The following OSGIN2 variants were observed in gnomAD, a reference collection of about 807,000 sequenced individuals.
OSGIN2 encodes the protein oxidative stress-induced growth inhibitor 2.
In OSGIN2, 19 loss-of-function variants were observed where a neutral mutation model predicts 53.8. That is an observed-to-expected ratio of 0.35 (90% CI 0.25 to 0.52). The LOEUF (loss-of-function observed/expected upper bound fraction) is 0.52. Ranked by LOEUF, OSGIN2 falls within the 20% of genes least tolerant of loss-of-function variation. The probability of loss-of-function intolerance (pLI) is 0.95; values close to 1 mark genes in which losing one functional copy is unlikely to be tolerated. For synonymous variants in OSGIN2, 236 were observed against 236.0 expected (o/e 1.00, Z 0.00); for missense variants, 520 against 662.7 (o/e 0.78, Z 2.36).
intron 1 of OSGIN2, among the ~76,000 whole-genome samples, chr8:89,909,011 CAAAAAAAA>C (rs35635974): frequency 1.8e-4 from 7 of 38,394 alleles, no homozygotes; most frequent in East Asian, 1.5e-3. Flanking sequence ...ACCTTGTTTC[CAAAAAAAA>C]AAAAAAAAAA....
At chr8:89,920,732 C>T (rs554770759) in intron 4 of OSGIN2, among the ~76,000 whole-genome samples, 1 of 152,102 alleles carries the variant, frequency 6.6e-6, no homozygotes, top group Non-Finnish European at 1.5e-5. Flanking sequence ...AATGAATATA[C>T]TGAATTTTTG....
chr8:89,904,722 A>G (rs569863410), intron 1 of OSGIN2, among the ~76,000 whole-genome samples: 2 of 152,304 alleles, frequency 1.3e-5, no homozygotes, highest in Non-Finnish European at 2.9e-5. Context: ...AGGTTGAGGC[A>G]GGAGAATAGC....
Position 89,902,725 on chromosome 8 carries a change from G to A in OSGIN2, c.-69G>A. On this transcript the variant is annotated 5_prime_UTR_variant, in exon 1 of 6. Coordinates refer to ENST00000451899, the MANE Select transcript of OSGIN2 (RefSeq NM_001126111.3). ...CCCGAGCCAGCGGGCGCCCCGAGCGGGCAGCCTCGCCGGGGGAGGCGGAGG... is the reference window on the plus strand; with the variant it reads ...CCCGAGCCAGCGGGCGCCCCGAGCGAGCAGCCTCGCCGGGGGAGGCGGAGG... 3 of 917,366 alleles carry A rather than the reference G, an allele frequency of 3.3e-6. No individual in the cohort carries two copies. The highest frequency in any genetic ancestry group is 4.1e-6 in the Non-Finnish European group (3 of 736,082). 56.8% of individuals were successfully genotyped at this position (917,366 alleles called of 1,614,324 possible). A position where few individuals can be genotyped will look rare whatever the true frequency, so the allele number is the denominator to read the frequency against.
At chr8:89,909,210 A>G (rs1278470191) in intron 1 of OSGIN2, among the ~76,000 whole-genome samples, 2 of 151,692 alleles carry the variant, frequency 1.3e-5, no homozygotes, top group Admixed American at 6.6e-5. Context: ...CTCACCTTTT[A>G]AAAAGAAAGG....
In OSGIN2 at chr8:89,914,386, T is replaced by C. The variant is rs146587397; in HGVS notation, c.337-169T>C. 2.6e-3 allele frequency among the ~76,000 whole-genome samples: 392 copies of C among 152,362 alleles called. 1 individual carries two copies. The highest frequency in any genetic ancestry group is 9.0e-3 in the African/African-American group (374 of 41,586). On this transcript the variant is annotated intron_variant, in intron 3 of 5. Transcript: ENST00000451899. ...TTACTTCTGTTTATTTTCTTGAATTTATTAGAGCAGAGTTTTCTGAATTAT... is the reference window on the plus strand; with the variant it reads ...TTACTTCTGTTTATTTTCTTGAATTCATTAGAGCAGAGTTTTCTGAATTAT...
intron 1 of OSGIN2, among the ~76,000 whole-genome samples, chr8:89,903,728 A>G (rs1332672580): frequency 6.6e-6 from 1 of 152,234 alleles, no homozygotes; most frequent in Non-Finnish European, 1.5e-5. Context: ...AACAAATCAC[A>G]GTAGTATCTG....
chr8:89,910,269 T>C (rs1308687179), intron 2 of OSGIN2, among the ~76,000 whole-genome samples: 1 of 152,212 alleles, frequency 6.6e-6, no homozygotes, highest in African/African-American at 2.4e-5. Flanking sequence ...ATATTAAAAA[T>C]TAAACTATTA....
In OSGIN2 at chr8:89,925,472, T is replaced by C; in HGVS notation, c.1590T>C (p.Ala530=). 1.2e-6 allele frequency: 2 copies of C among 1,614,106 alleles called. No individual in the cohort carries two copies. The highest frequency in any genetic ancestry group is 1.7e-6 in the Non-Finnish European group (2 of 1,179,980). The change falls in exon 6 of 6, where the codon GCT becomes GCC. Residue 530 remains alanine (A), a synonymous_variant. Transcript: ENST00000451899. ...GGALGVTRCL[A]TRQKKKHLFV... ...CGCTGGGTGTTACACGCTGTTTAGC[T>C]ACAAGACAGAAGAAAAAGCATTTGT...
chr8:89,910,926 A>C (rs967484229), intron 2 of OSGIN2, among the ~76,000 whole-genome samples: 1 of 152,142 alleles, frequency 6.6e-6, no homozygotes, highest in Non-Finnish European at 1.5e-5. Context: ...TAATTTCTTA[A>C]ATATATGTTT....
intron 1 of OSGIN2, among the ~76,000 whole-genome samples, chr8:89,906,468 C>T (rs1252786698): frequency 1.3e-5 from 2 of 148,242 alleles, no homozygotes; most frequent in African/African-American, 5.3e-5. Flanking sequence ...GTGTGTTGTT[C>T]CCCTCTGTGT....
At position 89,926,965 on chromosome 8, in the gene OSGIN2, TAG is replaced by T. The variant is rs1017005658; in HGVS notation, c.*1435_*1436del. ...CAAATAATTGCTTCAGATGAATTCT[TAG>T]ACTCTTGATAATATCACACCTAATT... On this transcript the variant is annotated 3_prime_UTR_variant, in exon 6 of 6. Transcript: ENST00000451899. The T allele has an allele frequency of 2.0e-5, 3 of 152,224 alleles. No individual in the cohort carries two copies. Among genetic ancestry groups the T allele is most frequent in the East Asian group, 1.9e-4 (1 of 5,200 alleles). The allele number at this position is 152,224 out of a possible 1,614,324, so 9.4% of individuals were successfully genotyped here.
At position 89,925,696 on chromosome 8, in the gene OSGIN2, T is replaced by G; in HGVS notation, c.*164T>G. 2 of 583,636 alleles carry G rather than the reference T, an allele frequency of 3.4e-6. No homozygotes were observed. Among genetic ancestry groups the G allele is most frequent in the Non-Finnish European group, 6.0e-6 (2 of 332,776 alleles). The allele number at this position is 583,636 out of a possible 1,614,324, so 36.2% of individuals were successfully genotyped here. A position where few individuals can be genotyped will look rare whatever the true frequency, so the allele number is the denominator to read the frequency against. ...AGTTACTAGAATTTGGTATCCTGAT[T>G]TATATTGCAGTGTTTCAAAGGTGTC... On this transcript the variant is annotated 3_prime_UTR_variant, in exon 6 of 6. Transcript: ENST00000451899.
chr8:89,907,029 C>CT (rs1808853282), intron 1 of OSGIN2, among the ~76,000 whole-genome samples: 1 of 152,166 alleles, frequency 6.6e-6, no homozygotes, highest in Admixed American at 6.5e-5. Context: ...TGATGTTGAA[C>CT]TTTTTTTCAT....
intron 1 of OSGIN2, among the ~76,000 whole-genome samples, chr8:89,906,674 C>G (rs147026332): frequency 0.016 from 2,454 of 152,276 alleles, 64 homozygotes; most frequent in African/African-American, 0.056. Flanking sequence ...TTTATCCAGT[C>G]TATCATTGAT....
At chr8:89,913,548 A>C (rs1809013902) in intron 2 of OSGIN2, among the ~76,000 whole-genome samples, 1 of 152,246 alleles carries the variant, frequency 6.6e-6, no homozygotes, top group African/African-American at 2.4e-5. Context: ...AGGGCAGAGA[A>C]ACAGTAGGAG....
chr8:89,922,517 C>T (rs1160125745), intron 5 of OSGIN2, among the ~76,000 whole-genome samples: 2 of 152,152 alleles, frequency 1.3e-5, no homozygotes, highest in Non-Finnish European at 2.9e-5. Context: ...CTAAATTATG[C>T]ATATTGTGTT....
At chr8:89,917,002 T>C (rs922895054) in intron 4 of OSGIN2, among the ~76,000 whole-genome samples, 1 of 152,208 alleles carries the variant, frequency 6.6e-6, no homozygotes, top group Admixed American at 6.5e-5. Context: ...CTCCAGACTG[T>C]CTCCATTTCT....
chr8:89,918,773 A>T (rs1197048036), intron 4 of OSGIN2, among the ~76,000 whole-genome samples: 1 of 152,194 alleles, frequency 6.6e-6, no homozygotes, highest in Admixed American at 6.5e-5. Flanking sequence ...GTAGTTACTC[A>T]AGCCAGGAAC....
At chr8:89,920,875 T>TA (rs1480093525) in intron 4 of OSGIN2, among the ~76,000 whole-genome samples, 1 of 152,220 alleles carries the variant, frequency 6.6e-6, no homozygotes, top group Non-Finnish European at 1.5e-5. Flanking sequence ...GTTGTCGGGA[T>TA]AATATCAAGT....
Sources: gnomAD v4.1 joint callset for allele counts (sites outside exome capture counted in the v4.1 genomes callset) on GRCh38, gnomAD v4.1.1 for gene constraint, MANE v1.5 for transcripts, NCBI Gene and HGNC (gene_info 2026-07-23, HGNC 2026-07-21) for gene names.